Variants in OTOGL observed in about 807,000 individuals in gnomAD.
OTOGL encodes the protein otogelin-like protein.
OTOGL carries 285 observed loss-of-function variants against 318.5 expected under a neutral mutation model. The observed-to-expected ratio is 0.89, with a 90% CI of 0.81 to 0.99. The LOEUF (loss-of-function observed/expected upper bound fraction) is 0.99. Ranked by LOEUF, OTOGL falls within the 50% of genes least tolerant of loss-of-function variation. The pLI, the probability that OTOGL is intolerant of heterozygous loss-of-function variation, is 0.00. For synonymous variants in OTOGL, 987 were observed against 936.5 expected, an observed-to-expected ratio of 1.05 and a Z score of -0.99; for missense variants, 2,899 against 2,845.6, an observed-to-expected ratio of 1.02 and a Z score of -0.43.
Position 80,377,140 on chromosome 12 carries a change from A to G in OTOGL, c.6799A>G (p.Ile2267Val). ...TTTATCAGGCAAACGAGAAGAAAGA[A>G]TATGCCAGAAAGTGATCATTAAATC... Reference protein sequence around the residue: ...CCKICKREERICQKVIIKSVI... With the variant: ...CCKICKREERVCQKVIIKSVI... The change falls in exon 58 of 59, where the codon ATA (isoleucine) becomes GTA (valine). Residue 2267 changes from isoleucine (I) to valine (V), a missense_variant. Ile to Val is a conservative substitution (Grantham distance 29). This residue lies in a region of OTOGL where 289 missense variants were observed against 304.6 expected (regional missense o/e 0.95). Transcript: ENST00000547103. 6.2e-7 allele frequency: 1 copy of G among 1,607,766 alleles called. No individual in the cohort carries two copies. The highest frequency in any genetic ancestry group is 8.5e-7 in the Non-Finnish European group (1 of 1,176,394).
chr12:80,310,043 A>G (rs1317210442), intron 29 of OTOGL, among the ~76,000 whole-genome samples: 1 of 152,208 alleles, frequency 6.6e-6, no homozygotes, highest in East Asian at 1.9e-4. Flanking sequence ...ACCAAAACCA[A>G]ATGAGGAGAG....
At chr12:80,291,378 C>T (rs1323676073) in intron 26 of OTOGL, among the ~76,000 whole-genome samples, 2 of 152,168 alleles carry the variant, frequency 1.3e-5, no homozygotes, top group Non-Finnish European at 2.9e-5. Context: ...AATTATTGTT[C>T]ATATAGGCTC....
chr12:80,105,551 T>C (rs1869407433), intron 1 of OTOGL, among the ~76,000 whole-genome samples: 1 of 152,242 alleles, frequency 6.6e-6, no homozygotes, highest in Admixed American at 6.5e-5. Context: ...TCTAAATTGT[T>C]CTAATTAAGA....
chr12:80,103,599 T>C (rs1323269307), intron 1 of OTOGL, among the ~76,000 whole-genome samples: 1 of 152,254 alleles, frequency 6.6e-6, no homozygotes, highest in Non-Finnish European at 1.5e-5. Flanking sequence ...TAATTAGTTA[T>C]GTTGTGTGTT....
chr12:80,371,777 A>G (rs957757414), intron 56 of OTOGL, among the ~76,000 whole-genome samples: 23 of 152,252 alleles, frequency 1.5e-4, no homozygotes, highest in African/African-American at 5.5e-4. Context: ...TTTTAAGTAG[A>G]ATAATCCTTT....
chr12:80,343,006 C>T (rs750922784), intron 44 of OTOGL, among the ~76,000 whole-genome samples: 2 of 152,038 alleles, frequency 1.3e-5, no homozygotes, highest in Admixed American at 6.6e-5. Flanking sequence ...CTCAGCCTCC[C>T]GAGTAGCTGG....
At chr12:80,241,804 C>T (rs906066280) in intron 11 of OTOGL, among the ~76,000 whole-genome samples, 7 of 152,110 alleles carry the variant, frequency 4.6e-5, no homozygotes, top group African/African-American at 7.2e-5. Flanking sequence ...GGATTGGCAT[C>T]GTGGCTCTGC....
chr12:80,374,782 T>G (rs1891088405), intron 57 of OTOGL, among the ~76,000 whole-genome samples: 1 of 152,054 alleles, frequency 6.6e-6, no homozygotes, highest in Admixed American at 6.6e-5. Context: ...TACAATTATG[T>G]TATCTCAGGG....
chr12:80,218,216 C>T (rs1877927525), intron 5 of OTOGL, among the ~76,000 whole-genome samples: 1 of 152,130 alleles, frequency 6.6e-6, no homozygotes, highest in African/African-American at 2.4e-5. Context: ...AGATAAAGTG[C>T]AAATACAGAT....
intron 2 of OTOGL, among the ~76,000 whole-genome samples, chr12:80,209,965 C>G (rs1877121362): frequency 6.6e-6 from 1 of 151,870 alleles, no homozygotes; most frequent in Non-Finnish European, 1.5e-5. Flanking sequence ...TTCTTCATGC[C>G]ATCAACCCAA....
At chr12:80,171,794 G>A (rs1874222031) in intron 1 of OTOGL, among the ~76,000 whole-genome samples, 1 of 151,998 alleles carries the variant, frequency 6.6e-6, no homozygotes, top group Non-Finnish European at 1.5e-5. Flanking sequence ...ATGAACACTA[G>A]ATATCTCTCA....
At chr12:80,142,971 C>A (rs1872053152) in intron 1 of OTOGL, among the ~76,000 whole-genome samples, 1 of 151,968 alleles carries the variant, frequency 6.6e-6, no homozygotes. Context: ...ACCACTCAGG[C>A]AACTGGCATT....
intron 26 of OTOGL, among the ~76,000 whole-genome samples, chr12:80,282,533 ATT>A (rs1177932520): frequency 1.4e-5 from 2 of 142,490 alleles, no homozygotes; most frequent in Non-Finnish European, 1.5e-5. Context: ...CCTATAGGGT[ATT>A]TTTTTTTTTG....
chr12:80,255,259 A>G (rs1055500553), intron 16 of OTOGL, 74 bp downstream of exon 16: 1 of 1,268,654 alleles, frequency 7.9e-7, no homozygotes, highest in Non-Finnish European at 1.0e-6. Flanking sequence ...CAGACTAAGA[A>G]TGATAACATG....
chr12:80,229,192 G>T, intron 7 of OTOGL, 65 bp from the exon 8 acceptor site: 1 of 1,504,462 alleles, frequency 6.6e-7, no homozygotes, highest in South Asian at 1.1e-5. Context: ...AACATACATT[G>T]TGGTTTTAAT....
intron 1 of OTOGL, among the ~76,000 whole-genome samples, chr12:80,158,441 A>G (rs903241250): frequency 1.3e-5 from 2 of 152,098 alleles, no homozygotes; most frequent in Non-Finnish European, 2.9e-5. Context: ...GGTCATACAG[A>G]TTTCAGAAAA....
In OTOGL at chr12:80,211,968, C is replaced by G; in HGVS notation, c.139C>G (p.Arg47Gly). 6.3e-7 allele frequency: 1 copy of G among 1,575,896 alleles called. No individual in the cohort carries two copies. The highest frequency in any genetic ancestry group is 1.1e-5 in the South Asian group (1 of 87,100). Reference protein sequence around the residue: ...GTSKNGFNENRQKRALLAAQF... With the variant: ...GTSKNGFNENGQKRALLAAQF... ...TTCCAGAAACGGGTTTAATGAAAAT[C>G]GACAGAAAAGAGCTCTTTTAGCAGC... Residue 47 changes from arginine to glycine, a missense_variant, in exon 4 of 59, where the codon CGA becomes GGA. Coordinates refer to ENST00000547103, the MANE Select transcript of OTOGL (RefSeq NM_001378609.3).
chr12:80,350,967 A>C (rs1592743012), intron 44 of OTOGL, among the ~76,000 whole-genome samples: 1 of 152,314 alleles, frequency 6.6e-6, no homozygotes, highest in East Asian at 1.9e-4. Flanking sequence ...CATAGGCAGA[A>C]AATTACTGCT....
At chr12:80,372,476 A>G (rs909433081) in intron 57 of OTOGL, among the ~76,000 whole-genome samples, 1 of 152,094 alleles carries the variant, frequency 6.6e-6, no homozygotes, top group Non-Finnish European at 1.5e-5. Context: ...TACAGTTAGA[A>G]TGGCATTGTG....
Sources: allele counts gnomAD v4.1 joint callset (sites outside exome capture counted in the v4.1 genomes callset), GRCh38; gene constraint gnomAD v4.1.1; regional missense constraint gnomAD v4.1.1; transcripts MANE v1.5; gene names NCBI Gene and HGNC (gene_info 2026-07-23, HGNC 2026-07-21).